The following SENP8 variants were observed in gnomAD, a reference collection of about 807,000 sequenced individuals.
SENP8 encodes SUMO peptidase family member, NEDD8 specific.
Under a neutral mutation model 14.4 loss-of-function variants are expected in SENP8, and 10 were observed. The ratio of observed to expected loss-of-function variants is 0.69; its 90% CI spans 0.43 to 1.18. The LOEUF (loss-of-function observed/expected upper bound fraction) is 1.18. Among genes scored for constraint, SENP8 ranks in the 50% most tolerant of loss-of-function variants. The probability of loss-of-function intolerance (pLI) is 0.00; values close to 1 mark genes in which losing one functional copy is unlikely to be tolerated. For synonymous variants in SENP8, 94 were observed against 95.5 expected (o/e 0.98, Z 0.09); for missense variants, 202 against 249.4 (o/e 0.81, Z 1.28).
intron 1 of SENP8, among the ~76,000 whole-genome samples, chr15:72,131,049 C>T (rs1379067016): frequency 2.0e-5 from 3 of 152,068 alleles, no homozygotes; most frequent in Admixed American, 6.5e-5. Context: ...TTAAAATCCC[C>T]ACAGATAGGT....
chr15:72,118,227 G>C (rs2081080055), upstream of SENP8: 1 of 346,512 alleles, frequency 2.9e-6, no homozygotes, highest in East Asian at 4.3e-5. Flanking sequence ...CGCCACTGGA[G>C]AGTACAGCGT....
Position 72,139,635 on chromosome 15 carries a change from A to T in SENP8, c.12A>T (p.Val4=). The change falls in exon 2 of 2, where the codon GTA becomes GTT. Residue 4 remains valine (V), a synonymous_variant. Coordinates refer to ENST00000340912, the MANE Select transcript of SENP8 (RefSeq NM_145204.4). MDP[V]VLSYMDSLLR... ...CTCGTCAGTACAAGATGGACCCCGTAGTCTTGAGTTACATGGACAGTCTAC... is the reference window on the plus strand; with the variant it reads ...CTCGTCAGTACAAGATGGACCCCGTTGTCTTGAGTTACATGGACAGTCTAC... 4 of 1,613,808 alleles carry T rather than the reference A, an allele frequency of 2.5e-6. No homozygotes were observed. The highest frequency in any genetic ancestry group is 3.4e-6 in the Non-Finnish European group (4 of 1,179,754).
intron 1 of SENP8, 141 bp from the exon 2 acceptor site, chr15:72,139,436 G>C (rs1485483706): frequency 5.6e-6 from 4 of 718,000 alleles, no homozygotes; most frequent in Non-Finnish European, 8.8e-6. Flanking sequence ...AAATCCATGT[G>C]TAAGTAGATC....
chr15:72,114,391 C>G (rs2080892013), upstream of SENP8: 1 of 152,050 alleles, frequency 6.6e-6, no homozygotes, highest in African/African-American at 2.4e-5. Flanking sequence ...ATAGAGGCAA[C>G]AAAAAGTAAT....
Position 72,143,125 on chromosome 15 carries a change from G to A in SENP8, c.*2863G>A, listed in dbSNP as rs2081390655. ...AGGCAGGAGAATCACTTGAACCTGG[G>A]AGGCGGAGGTTGCAGTGAGCTGAGA... On this transcript the variant is annotated 3_prime_UTR_variant, in exon 2 of 2. Coordinates refer to ENST00000340912, the MANE Select transcript of SENP8 (RefSeq NM_145204.4). The A allele has an allele frequency of 6.6e-6, 1 of 152,180 alleles. No homozygotes were observed. Among genetic ancestry groups the A allele is most frequent in the Admixed American group, 6.5e-5 (1 of 15,270 alleles). 9.4% of individuals were successfully genotyped at this position (152,180 alleles called of 1,614,324 possible).
At chr15:72,129,935 C>A (rs1186847873) in intron 1 of SENP8, among the ~76,000 whole-genome samples, 1 of 151,956 alleles carries the variant, frequency 6.6e-6, no homozygotes, top group Non-Finnish European at 1.5e-5. Flanking sequence ...ACCTATAATC[C>A]CAGCATTTTG....
intron 1 of SENP8, among the ~76,000 whole-genome samples, chr15:72,120,314 T>C (rs1423585713): frequency 6.6e-6 from 1 of 152,200 alleles, no homozygotes; most frequent in Non-Finnish European, 1.5e-5. Context: ...CAAGACAGTG[T>C]ATGGCTGCTA....
At chr15:72,131,057 G>A (rs1275516031) in intron 1 of SENP8, among the ~76,000 whole-genome samples, 3 of 152,158 alleles carry the variant, frequency 2.0e-5, no homozygotes, top group Non-Finnish European at 4.4e-5. Context: ...CCCACAGATA[G>A]GTGGGCATGG....
At chr15:72,130,947 T>C (rs1397179645) in intron 1 of SENP8, among the ~76,000 whole-genome samples, 1 of 152,136 alleles carries the variant, frequency 6.6e-6, no homozygotes, top group East Asian at 1.9e-4. Context: ...AGTGGAAACT[T>C]AGAAAAGAGC....
chr15:72,117,213 G>T (rs1409917617), upstream of SENP8: 2 of 152,288 alleles, frequency 1.3e-5, no homozygotes, highest in African/African-American at 2.4e-5. Context: ...GATGGCTAGG[G>T]TTAGTGCTAG....
At chr15:72,130,124 A>G (rs2081259095) in intron 1 of SENP8, among the ~76,000 whole-genome samples, 1 of 152,208 alleles carries the variant, frequency 6.6e-6, no homozygotes. Flanking sequence ...TGGGAGGCAG[A>G]GGTTACAGTG....
chr15:72,114,780 A>G (rs1470318433), upstream of SENP8, among the ~76,000 whole-genome samples: 6 of 152,228 alleles, frequency 3.9e-5, no homozygotes, highest in African/African-American at 1.4e-4. Context: ...CAATACATTA[A>G]GTCAATATTG....
intron 1 of SENP8, among the ~76,000 whole-genome samples, chr15:72,124,059 C>T (rs2081191567): frequency 6.6e-6 from 1 of 152,208 alleles, no homozygotes; most frequent in Non-Finnish European, 1.5e-5. Flanking sequence ...ATCATCATCA[C>T]ACCAAGTAGG....
intron 1 of SENP8, among the ~76,000 whole-genome samples, chr15:72,125,022 G>A (rs1179892501): frequency 6.6e-6 from 1 of 152,030 alleles, no homozygotes; most frequent in Non-Finnish European, 1.5e-5. Flanking sequence ...TGGAAACCCT[G>A]TTGTTTAATT....
intron 1 of SENP8, among the ~76,000 whole-genome samples, chr15:72,131,802 A>C (rs2081276212): frequency 6.6e-6 from 1 of 152,204 alleles, no homozygotes; most frequent in South Asian, 2.1e-4. Flanking sequence ...AAGATAAAGC[A>C]CAAGAGCAGA....
intron 1 of SENP8, among the ~76,000 whole-genome samples, chr15:72,123,129 AAAAT>A (rs2081183123): frequency 6.6e-6 from 1 of 152,250 alleles, no homozygotes; most frequent in Non-Finnish European, 1.5e-5. Flanking sequence ...ATCTATGAAA[AAAAT>A]AACTTGCCAG....
At chr15:72,132,653 CTTT>C (rs975388130) in intron 1 of SENP8, among the ~76,000 whole-genome samples, 3 of 125,122 alleles carry the variant, frequency 2.4e-5, no homozygotes, top group East Asian at 2.4e-4. Context: ...TTTCATAATT[CTTT>C]TTTTTTTTTT....
intron 1 of SENP8, chr15:72,134,881 C>A: frequency 3.6e-6 from 1 of 280,218 alleles, no homozygotes. Context: ...CAAACAAGGG[C>A]CAGATTCTTG....
At chr15:72,128,970 GA>G (rs1390336306) in intron 1 of SENP8, among the ~76,000 whole-genome samples, 2 of 151,854 alleles carry the variant, frequency 1.3e-5, no homozygotes, top group African/African-American at 4.8e-5. Context: ...TGAATAATTA[GA>G]AAAAAATGAG....
Sources: gnomAD v4.1 joint callset for allele counts (sites outside exome capture counted in the v4.1 genomes callset) on GRCh38, gnomAD v4.1.1 for gene constraint, MANE v1.5 for transcripts, NCBI Gene and HGNC (gene_info 2026-07-23, HGNC 2026-07-21) for gene names.